The following ECSCR variants were observed in gnomAD, a reference collection of about 807,000 sequenced individuals.
ECSCR encodes the protein endothelial cell-specific chemotaxis regulator.
ECSCR carries 12 observed loss-of-function variants against 16.7 expected under a neutral mutation model. The observed-to-expected ratio is 0.72, with a 90% CI of 0.46 to 1.17. The LOEUF (loss-of-function observed/expected upper bound fraction) is 1.17. Among genes scored for constraint, ECSCR ranks in the 50% most tolerant of loss-of-function variants. ECSCR has a pLI of 0.00. For synonymous variants in ECSCR, 44 were observed against 42.2 expected (o/e 1.04, Z -0.17); for missense variants, 122 against 116.1 (o/e 1.05, Z -0.23).
At chr5:139,459,123 A>G (rs1365664295) in intron 1 of ECSCR, among the ~76,000 whole-genome samples, 4 of 152,110 alleles carry the variant, frequency 2.6e-5, no homozygotes, top group African/African-American at 7.2e-5. Flanking sequence ...ATTTCTAAGG[A>G]CAGAAGATCA....
chr5:139,450,049 C>T (rs1048729801), intron 8 of ECSCR, among the ~76,000 whole-genome samples: 1 of 152,144 alleles, frequency 6.6e-6, no homozygotes, highest in African/African-American at 2.4e-5. Flanking sequence ...CACCTGCCAC[C>T]GTGCCCAGCT....
intron 1 of ECSCR, among the ~76,000 whole-genome samples, chr5:139,459,467 T>TGATG (rs1751244328): frequency 6.6e-6 from 1 of 152,196 alleles, no homozygotes; most frequent in Non-Finnish European, 1.5e-5. Context: ...AAGCCCTCAC[T>TGATG]GGCTTTTTTG....
At chr5:139,452,234 GTGTAT>G (rs1751071581) in intron 8 of ECSCR, among the ~76,000 whole-genome samples, 1 of 121,874 alleles carries the variant, frequency 8.2e-6, no homozygotes, top group African/African-American at 3.1e-5. Flanking sequence ...AGGGGTGTGT[GTGTAT>G]GATGTGTGGG....
chr5:139,456,954 C>T (rs1009820179), intron 4 of ECSCR, among the ~76,000 whole-genome samples: 33 of 152,330 alleles, frequency 2.2e-4, no homozygotes, highest in Non-Finnish European at 4.6e-4. Context: ...TTAGGCCCAA[C>T]CAGGTCGGGG....
Position 139,449,975 on chromosome 5 carries a change from A to G in ECSCR, c.513-801T>C, listed in dbSNP as rs373675253. 1.6e-4 allele frequency among the ~76,000 whole-genome samples: 24 copies of G among 152,058 alleles called. No individual in the cohort carries two copies. The Middle Eastern group carries it at 0.01, about 65-fold the overall frequency. The stretch of plus-strand genomic sequence containing the variant: ...CAGTGGCACCATCTCAGCTCACTGC[A>G]ACCTCCGCCTCTGGGTTCAAGCAAT... On this transcript the variant is annotated intron_variant, in intron 8 of 9. Transcript: ENST00000618155.
At chr5:139,460,865 G>A (rs989473117) in intron 1 of ECSCR, among the ~76,000 whole-genome samples, 11 of 152,072 alleles carry the variant, frequency 7.2e-5, no homozygotes, top group Non-Finnish European at 1.5e-4. Context: ...AGTTAAAATC[G>A]TGGATTTTAA....
chr5:139,462,234 G>A lies in ECSCR; in HGVS notation c.61+376C>T, dbSNP rs183075521. Among the ~76,000 whole-genome samples the A allele has an allele frequency of 3.1e-3, 479 of 152,296 alleles. 1 individual carries two copies. Among genetic ancestry groups the A allele is most frequent in the Non-Finnish European group, 4.7e-3 (317 of 68,022 alleles). On this transcript the variant is annotated intron_variant, in intron 1 of 9. Coordinates refer to ENST00000618155, the MANE Select transcript of ECSCR (RefSeq NM_001077693.4). ...AGAGGATTTGTGTTAGAACAGTTGA[G>A]AGAGTGGCCGTCGTCAGCCCTGCCC...
intron 2 of ECSCR, 29 bp downstream of exon 2, chr5:139,458,110 C>A: frequency 1.3e-6 from 2 of 1,546,980 alleles, no homozygotes; most frequent in Non-Finnish European, 1.7e-6. Context: ...GGCCTACACG[C>A]TGGAGTAGAC....
intron 8 of ECSCR, among the ~76,000 whole-genome samples, chr5:139,452,656 A>AGTGAGGGTGTGGGGAGT (rs1751090209): frequency 0.045 from 1 of 22 alleles, no homozygotes; most frequent in Admixed American, 0.5. Flanking sequence ...GTGTATGCAT[A>AGTGAGGGTGTGGGGAGT]GTGNNNNNNN....
At chr5:139,451,897 T>TAGTATATGGGTATGTGTGAG in intron 8 of ECSCR, among the ~76,000 whole-genome samples, 1 of 143,120 alleles carries the variant, frequency 7.0e-6, no homozygotes, top group South Asian at 2.2e-4. Context: ...GGTGTGTGTG[T>TAGTATATGGGTATGTGTGAG]TTGTGCTGTG....
intron 7 of ECSCR, 29 bp from the exon 8 acceptor site, chr5:139,454,667 G>A (rs1751118046): frequency 2.5e-6 from 1 of 398,178 alleles, no homozygotes; most frequent in Admixed American, 4.4e-5. Flanking sequence ...ACAGGTTGGG[G>A]CTCACATGCT....
intron 8 of ECSCR, among the ~76,000 whole-genome samples, chr5:139,454,260 G>A (rs962624367): frequency 3.4e-5 from 5 of 148,096 alleles, no homozygotes; most frequent in East Asian, 2.0e-4. Context: ...TGAGATGTGC[G>A]TCTAGTGGGG....
intron 2 of ECSCR, 117 bp downstream of exon 2, chr5:139,458,022 C>G: frequency 3.2e-6 from 4 of 1,264,886 alleles, no homozygotes; most frequent in Non-Finnish European, 4.5e-6. Context: ...TGAGAGCTCC[C>G]GCTCCAGCTG....
chr5:139,448,712 G>T lies in ECSCR; in HGVS notation c.*188C>A, dbSNP rs1170029723. ...CCACAGCAGCTGTCCATACAGGAAA[G>T]AGTCTCCCCTGTTGGTAGCTTGCTC... On this transcript the variant is annotated 3_prime_UTR_variant, in exon 10 of 10. Coordinates refer to ENST00000618155, the MANE Select transcript of ECSCR (RefSeq NM_001077693.4). The T allele has an allele frequency of 2.1e-6, 3 of 1,427,160 alleles. No individual in the cohort carries two copies. Among genetic ancestry groups the T allele is most frequent in the Admixed American group, 2.9e-5 (1 of 34,628 alleles). 88.4% of individuals were successfully genotyped at this position (1,427,160 alleles called of 1,614,324 possible). A position where few individuals can be genotyped will look rare whatever the true frequency, so the allele number is the denominator to read the frequency against.
At chr5:139,451,803 G>A (rs1010603930) in intron 8 of ECSCR, among the ~76,000 whole-genome samples, 2 of 150,088 alleles carry the variant, frequency 1.3e-5, no homozygotes, top group Non-Finnish European at 3.0e-5. Context: ...GGTATGGTGT[G>A]GGTGGGTGTG....
At chr5:139,455,873 C>T (rs1209097150) in intron 5 of ECSCR, among the ~76,000 whole-genome samples, 4 of 150,042 alleles carry the variant, frequency 2.7e-5, no homozygotes, top group Non-Finnish European at 5.9e-5. Context: ...CCTGTAATCC[C>T]AGCACTTTGG....
chr5:139,458,297 T>C (rs1365601864), intron 1 of ECSCR, 114 bp from the exon 2 acceptor site: 5 of 966,286 alleles, frequency 5.2e-6, no homozygotes, highest in Non-Finnish European at 7.7e-6. Flanking sequence ...CAAGACCCTG[T>C]CTCTAAAAAA....
intron 1 of ECSCR, among the ~76,000 whole-genome samples, chr5:139,461,617 C>A (rs753700308): frequency 5.3e-4 from 81 of 152,150 alleles, no homozygotes; most frequent in Non-Finnish European, 1.1e-3. Flanking sequence ...GTTCCCCAGC[C>A]CCAGACCTGT....
In ECSCR at chr5:139,455,549, T is replaced by C. The variant is rs908205159; in HGVS notation, c.263-113A>G. The C allele has an allele frequency of 5.7e-4, 221 of 387,494 alleles. 2 individuals carry two copies. Among genetic ancestry groups the C allele is most frequent in the African/African-American group, 4.3e-3 (208 of 48,418 alleles). The allele number at this position is 387,494 out of a possible 1,614,324, so 24.0% of individuals were successfully genotyped here. A position where few individuals can be genotyped will look rare whatever the true frequency, so the allele number is the denominator to read the frequency against. On this transcript the variant is annotated intron_variant, in intron 5 of 9. Coordinates refer to ENST00000618155, the MANE Select transcript of ECSCR (RefSeq NM_001077693.4). ...AGGACCAGAATTTATGCTGCAGAGC[T>C]AGGAGGTCAGACTGGGCAAAATAGA...
Sources: gnomAD v4.1 joint callset for allele counts (sites outside exome capture counted in the v4.1 genomes callset) on GRCh38, gnomAD v4.1.1 for gene constraint, MANE v1.5 for transcripts, NCBI Gene and HGNC (gene_info 2026-07-23, HGNC 2026-07-21) for gene names.